The following CDYL variants were observed in gnomAD, a reference collection of about 807,000 sequenced individuals.
CDYL encodes the protein chromodomain Y like.
A neutral mutation model predicts 47.3 loss-of-function variants in CDYL; 8 were observed. The ratio of observed to expected loss-of-function variants is 0.17; its 90% CI spans 0.10 to 0.31. The LOEUF is 0.31. Among genes scored for constraint, CDYL ranks in the 10% least tolerant of loss-of-function variants. The pLI, the probability that CDYL is intolerant of heterozygous loss-of-function variation, is 1.00. For missense variants in CDYL, 471 were observed against 701.4 expected, an observed-to-expected ratio of 0.67 and a Z score of 3.71; for synonymous variants, 266 against 265.0, an observed-to-expected ratio of 1.00 and a Z score of -0.04.
At chr6:4,742,876 G>T (rs1757821846) in intron 3 of CDYL, among the ~76,000 whole-genome samples, 1 of 152,216 alleles carries the variant, frequency 6.6e-6, no homozygotes, top group African/African-American at 2.4e-5. Context: ...TCTTGCTTGT[G>T]CAGGTGCAGG....
chr6:4,905,531 C>T lies in CDYL; in HGVS notation c.691+13152C>T, dbSNP rs138276005. ...CAGTGGGGGGATATTTAGAAGCAGT[C>T]GGTGGGAGAGGATGAACTGCTGAGT... On this transcript the variant is annotated intron_variant, in intron 2 of 6. Transcript: ENST00000397588. Among the ~76,000 whole-genome samples the T allele has an allele frequency of 3.3e-3, 509 of 152,192 alleles. 2 individuals carry two copies. The highest frequency in any genetic ancestry group is 5.3e-3 in the Non-Finnish European group (360 of 68,002).
intron 1 of CDYL, among the ~76,000 whole-genome samples, chr6:4,818,002 A>G (rs1759720970): frequency 6.6e-6 from 1 of 152,214 alleles, no homozygotes; most frequent in Admixed American, 6.5e-5. Flanking sequence ...CACGCCTGTA[A>G]TCCCAGAACT....
At chr6:4,830,793 C>G (rs1760117239) in intron 1 of CDYL, among the ~76,000 whole-genome samples, 2 of 140,104 alleles carry the variant, frequency 1.4e-5, no homozygotes, top group Non-Finnish European at 3.0e-5. Flanking sequence ...GTGATGTTCC[C>G]CTTCCTGTGT....
At chr6:4,819,162 C>CTCTCTCTCTGTGTGTGTG (rs1016051589) in intron 1 of CDYL, among the ~76,000 whole-genome samples, 49 of 111,982 alleles carry the variant, frequency 4.4e-4, no homozygotes, top group African/African-American at 2.3e-3. Flanking sequence ...CTCTCTCTCT[C>CTCTCTCTCTGTGTGTGTG]TGTGTGTGTG....
intron 1 of CDYL, among the ~76,000 whole-genome samples, chr6:4,811,429 T>TG (rs1759524898): frequency 6.6e-6 from 1 of 152,186 alleles, no homozygotes; most frequent in African/African-American, 2.4e-5. Context: ...CCTCAGCTCT[T>TG]GCTCTCTTCT....
intron 1 of CDYL, among the ~76,000 whole-genome samples, chr6:4,788,341 GC>G (rs1473962211): frequency 6.6e-6 from 1 of 151,882 alleles, no homozygotes; most frequent in Non-Finnish European, 1.5e-5. Context: ...CAAAAATTTA[GC>G]CAAGTGTGGT....
chr6:4,766,743 A>T (rs1758257485), intron 3 of CDYL, among the ~76,000 whole-genome samples: 1 of 151,958 alleles, frequency 6.6e-6, no homozygotes, highest in Non-Finnish European at 1.5e-5. Flanking sequence ...AGTGGCTCAC[A>T]CCTGTAATCC....
intron 2 of CDYL, among the ~76,000 whole-genome samples, chr6:4,730,305 G>C (rs1196611368): frequency 2.0e-5 from 3 of 152,188 alleles, no homozygotes; most frequent in Non-Finnish European, 4.4e-5. Context: ...ATGTCTTCCT[G>C]CTCAGCAAGT....
At chr6:4,923,139 C>T (rs1390153206) in intron 2 of CDYL, among the ~76,000 whole-genome samples, 1 of 152,174 alleles carries the variant, frequency 6.6e-6, no homozygotes, top group Non-Finnish European at 1.5e-5. Flanking sequence ...ATTTTAGTCA[C>T]TCTGCAGTGC....
intron 1 of CDYL, among the ~76,000 whole-genome samples, chr6:4,880,677 C>G (rs757914276): frequency 5.3e-5 from 8 of 152,204 alleles, no homozygotes; most frequent in Non-Finnish European, 8.8e-5. Context: ...TTCTATTGCT[C>G]CACATCCTCA....
chr6:4,768,475 A>G (rs1758289075), intron 3 of CDYL, among the ~76,000 whole-genome samples: 1 of 152,196 alleles, frequency 6.6e-6, no homozygotes, highest in South Asian at 2.1e-4. Context: ...AGTCAACTGA[A>G]AGAGCTCCCG....
At chr6:4,833,234 A>C (rs1232070444) in intron 1 of CDYL, among the ~76,000 whole-genome samples, 1 of 144,540 alleles carries the variant, frequency 6.9e-6, no homozygotes, top group Non-Finnish European at 1.5e-5. Context: ...CCCTCTACAC[A>C]CTGCTTTGAA....
intron 1 of CDYL, among the ~76,000 whole-genome samples, chr6:4,814,678 A>G (rs893619055): frequency 2.6e-5 from 4 of 152,120 alleles, no homozygotes; most frequent in Non-Finnish European, 5.9e-5. Flanking sequence ...GCCGGCTACC[A>G]TGCCTGGCTA....
chr6:4,758,551 T>A (rs1039871579), intron 3 of CDYL, among the ~76,000 whole-genome samples: 2 of 151,372 alleles, frequency 1.3e-5, no homozygotes, highest in Admixed American at 6.6e-5. Context: ...TAAACCCAGC[T>A]ACTTGGGAGG....
At chr6:4,907,789 A>C (rs1757285451) in intron 2 of CDYL, among the ~76,000 whole-genome samples, 1 of 152,184 alleles carries the variant, frequency 6.6e-6, no homozygotes, top group South Asian at 2.1e-4. Flanking sequence ...TGTGGCTTTT[A>C]GGTTGCTGTT....
intron 3 of CDYL, among the ~76,000 whole-genome samples, chr6:4,737,070 G>A (rs1011618282): frequency 6.6e-6 from 1 of 152,110 alleles, no homozygotes; most frequent in Non-Finnish European, 1.5e-5. Flanking sequence ...TGGAAATTGA[G>A]AGGAAAAGAA....
chr6:4,899,046 C>T, intron 2 of CDYL, among the ~76,000 whole-genome samples: 1 of 152,180 alleles, frequency 6.6e-6, no homozygotes, highest in East Asian at 1.9e-4. Flanking sequence ...GAGTACAGCC[C>T]TAGCCTTTTT....
chr6:4,889,302 G>T (rs542656419), intron 1 of CDYL, among the ~76,000 whole-genome samples: 1 of 151,348 alleles, frequency 6.6e-6, no homozygotes, highest in Non-Finnish European at 1.5e-5. Flanking sequence ...TTGGCTCACC[G>T]CAACCTCCAC....
chr6:4,733,603 A>G (rs1242387737), intron 2 of CDYL, among the ~76,000 whole-genome samples: 1 of 152,176 alleles, frequency 6.6e-6, no homozygotes, highest in African/African-American at 2.4e-5. Flanking sequence ...TGCTGAACAG[A>G]CAGCCTTTTA....
Sources: gnomAD v4.1 joint callset for allele counts (sites outside exome capture counted in the v4.1 genomes callset) on GRCh38, gnomAD v4.1.1 for gene constraint, MANE v1.5 for transcripts, NCBI Gene and HGNC (gene_info 2026-07-23, HGNC 2026-07-21) for gene names.